The following NRXN3 variants were observed in gnomAD, a reference collection of about 807,000 sequenced individuals.
NRXN3 encodes the protein neurexin III.
Under a neutral mutation model 137.6 loss-of-function variants are expected in NRXN3, and 32 were observed. The observed-to-expected ratio is 0.23, with a 90% confidence interval of 0.18 to 0.31. The LOEUF (loss-of-function observed/expected upper bound fraction) is 0.31, where lower values mean the gene tolerates loss of function less well. NRXN3 is among the 10% of genes least tolerant of loss of function. The pLI, the probability that NRXN3 is intolerant of heterozygous loss-of-function variation, is 1.00. For synonymous variants in NRXN3, 798 were observed against 784.5 expected (o/e 1.02, Z -0.29); for missense variants, 1,574 against 2,062.5 (o/e 0.76, Z 4.59).
At chr14:79,690,236 T>C (rs1014401744) in intron 17 of NRXN3, among the ~76,000 whole-genome samples, 3 of 152,162 alleles carry the variant, frequency 2.0e-5, no homozygotes, top group Non-Finnish European at 2.9e-5. Flanking sequence ...TCTTTTTCTA[T>C]GAAAACGTCT....
At chr14:79,358,607 G>GAGAAAGAAAGAAAGAAAGAA (rs751796019) in intron 15 of NRXN3, among the ~76,000 whole-genome samples, 1,161 of 79,896 alleles carry the variant, frequency 0.015, 21 homozygotes, top group East Asian at 0.022. Context: ...AAGAAAGAAA[G>GAGAAAGAAAGAAAGAAAGAA]AGAAAGAAAG....
chr14:78,254,604 A>G (rs1430693727), intron 2 of NRXN3, among the ~76,000 whole-genome samples: 1 of 151,524 alleles, frequency 6.6e-6, no homozygotes, highest in East Asian at 1.9e-4. Context: ...ATTTGAACCC[A>G]GAGGTGGAGG....
At chr14:79,495,831 C>T (rs750894356) in intron 16 of NRXN3, among the ~76,000 whole-genome samples, 37 of 151,296 alleles carry the variant, frequency 2.4e-4, no homozygotes, top group Non-Finnish European at 4.7e-4. Flanking sequence ...GGTGTTATTC[C>T]ATTTCCACCC....
intron 4 of NRXN3, among the ~76,000 whole-genome samples, chr14:78,305,303 C>T (rs905453496): frequency 5.3e-5 from 8 of 152,084 alleles, no homozygotes; most frequent in African/African-American, 9.7e-5. Flanking sequence ...ACCTTTAGGG[C>T]GGCCGGGCAG....
At chr14:79,613,922 T>A (rs1046784199) in intron 16 of NRXN3, among the ~76,000 whole-genome samples, 4 of 152,236 alleles carry the variant, frequency 2.6e-5, no homozygotes, top group African/African-American at 7.2e-5. Flanking sequence ...AGCATTCGAC[T>A]TAGTCGAAAT....
At chr14:79,653,845 G>T (rs2098490029) in intron 16 of NRXN3, among the ~76,000 whole-genome samples, 1 of 152,158 alleles carries the variant, frequency 6.6e-6, no homozygotes, top group Non-Finnish European at 1.5e-5. Context: ...GTAAAGGACA[G>T]CAGAAGCTGG....
At chr14:79,395,619 T>C (rs1293806127) in intron 15 of NRXN3, among the ~76,000 whole-genome samples, 2 of 151,688 alleles carry the variant, frequency 1.3e-5, no homozygotes, top group African/African-American at 2.4e-5. Context: ...CCATCCTGGC[T>C]AACATGGTGA....
At chr14:79,454,953 AT>A (rs1161217512) in intron 15 of NRXN3, among the ~76,000 whole-genome samples, 1 of 152,208 alleles carries the variant, frequency 6.6e-6, no homozygotes, top group Non-Finnish European at 1.5e-5. Context: ...TATTCAAAAA[AT>A]GTTTATCAAT....
intron 15 of NRXN3, among the ~76,000 whole-genome samples, chr14:79,104,959 A>G (rs1408779954): frequency 1.3e-5 from 2 of 152,054 alleles, no homozygotes; most frequent in Non-Finnish European, 2.9e-5. Flanking sequence ...GTATGGAATA[A>G]TAATTCGGCA....
At chr14:78,969,346 C>G (rs1225920993) in intron 14 of NRXN3, among the ~76,000 whole-genome samples, 3 of 152,150 alleles carry the variant, frequency 2.0e-5, no homozygotes, top group Non-Finnish European at 4.4e-5. Context: ...TCAGCCTTCC[C>G]TAGTAGTCTT....
intron 1 of NRXN3, among the ~76,000 whole-genome samples, chr14:78,211,815 A>T (rs926447138): frequency 6.6e-6 from 1 of 152,198 alleles, no homozygotes; most frequent in African/African-American, 2.4e-5. Flanking sequence ...AAAGTGGAAA[A>T]GGGGGGCTAT....
chr14:79,334,692 A>G (rs1189650138), intron 15 of NRXN3, among the ~76,000 whole-genome samples: 1 of 152,114 alleles, frequency 6.6e-6, no homozygotes, highest in Non-Finnish European at 1.5e-5. Flanking sequence ...GCCACCGAGG[A>G]GGCTGCTGCA....
chr14:78,381,877 A>G (rs2089192070), intron 4 of NRXN3, among the ~76,000 whole-genome samples: 1 of 152,216 alleles, frequency 6.6e-6, no homozygotes, highest in Non-Finnish European at 1.5e-5. Flanking sequence ...CTTTCTTTAA[A>G]TGACAAAAAT....
chr14:78,209,118 G>A (rs1319873962), intron 1 of NRXN3, among the ~76,000 whole-genome samples: 1 of 152,184 alleles, frequency 6.6e-6, no homozygotes, highest in Non-Finnish European at 1.5e-5. Context: ...CTGCACCTGG[G>A]AGGTGACAAG....
intron 19 of NRXN3, among the ~76,000 whole-genome samples, chr14:79,795,876 A>G (rs1029437848): frequency 6.6e-6 from 1 of 152,178 alleles, no homozygotes; most frequent in African/African-American, 2.4e-5. Flanking sequence ...TTGTGTTTAC[A>G]TCTTCTTGAG....
At chr14:79,230,613 T>G (rs1169467952) in intron 15 of NRXN3, among the ~76,000 whole-genome samples, 2 of 152,168 alleles carry the variant, frequency 1.3e-5, no homozygotes, top group Non-Finnish European at 2.9e-5. Flanking sequence ...CATTGAAAAG[T>G]TCACTGGCTT....
intron 15 of NRXN3, among the ~76,000 whole-genome samples, chr14:79,290,647 T>C (rs2083019482): frequency 6.7e-6 from 1 of 148,914 alleles, no homozygotes; most frequent in Non-Finnish European, 1.5e-5. Context: ...GGCTGGGTTT[T>C]GCTCTGGTGG....
chr14:78,449,630 C>T (rs1361808990), intron 4 of NRXN3, among the ~76,000 whole-genome samples: 1 of 152,200 alleles, frequency 6.6e-6, no homozygotes, highest in African/African-American at 2.4e-5. Context: ...TTTAATTTGA[C>T]CCTCACAGCA....
chr14:79,410,711 C>T (rs1049119696), intron 15 of NRXN3, among the ~76,000 whole-genome samples: 12 of 151,864 alleles, frequency 7.9e-5, no homozygotes, highest in African/African-American at 2.7e-4. Context: ...TATTCATTGC[C>T]GATTAGAAGG....
Sources: gnomAD v4.1 joint callset for allele counts (sites outside exome capture counted in the v4.1 genomes callset) on GRCh38, gnomAD v4.1.1 for gene constraint, MANE v1.5 for transcripts, NCBI Gene and HGNC (gene_info 2026-07-23, HGNC 2026-07-21) for gene names.